The following HS3ST5 variants were observed in gnomAD, a reference collection of about 807,000 sequenced individuals.
The protein encoded by HS3ST5 is heparan sulfate-glucosamine 3-sulfotransferase 5.
HS3ST5 carries 10 observed loss-of-function variants against 25.4 expected under a neutral mutation model. The observed-to-expected ratio is 0.39, with a 90% CI of 0.24 to 0.67. HS3ST5 has a LOEUF of 0.67. Among genes scored for constraint, HS3ST5 ranks in the 30% least tolerant of loss-of-function variants. HS3ST5 has a pLI of 0.44. For missense variants in HS3ST5, 324 were observed against 420.7 expected (o/e 0.77, Z 2.01); for synonymous variants, 170 against 162.4 (o/e 1.05, Z -0.36).
intron 1 of HS3ST5, among the ~76,000 whole-genome samples, chr6:114,332,527 C>A (rs934547784): frequency 1.3e-5 from 2 of 152,110 alleles, no homozygotes; most frequent in African/African-American, 2.4e-5. Context: ...AAGTCAGACA[C>A]AGGGAGAGTT....
intron 3 of HS3ST5, among the ~76,000 whole-genome samples, chr6:114,081,672 C>T (rs1344183383): frequency 1.3e-5 from 2 of 152,144 alleles, no homozygotes; most frequent in Non-Finnish European, 2.9e-5. Flanking sequence ...ATTAGTACAC[C>T]AGTTCCAATA....
At chr6:114,283,485 A>G (rs1774210447) in intron 1 of HS3ST5, among the ~76,000 whole-genome samples, 2 of 152,014 alleles carry the variant, frequency 1.3e-5, no homozygotes, top group South Asian at 4.1e-4. Flanking sequence ...ATAAATTAAC[A>G]TATTTTTGCT....
chr6:114,226,417 T>C (rs1014082994), intron 2 of HS3ST5, among the ~76,000 whole-genome samples: 2 of 151,996 alleles, frequency 1.3e-5, no homozygotes, highest in Non-Finnish European at 2.9e-5. Flanking sequence ...ATGTTCATCT[T>C]GGAGGAAAAA....
chr6:114,195,476 AG>A (rs1780692334), intron 2 of HS3ST5, among the ~76,000 whole-genome samples: 1 of 151,986 alleles, frequency 6.6e-6, no homozygotes, highest in African/African-American at 2.4e-5. Context: ...TCCACAGTAA[AG>A]GAATGCAAAT....
chr6:114,244,459 G>A (rs1178886292), intron 1 of HS3ST5, among the ~76,000 whole-genome samples: 2 of 152,124 alleles, frequency 1.3e-5, no homozygotes, highest in African/African-American at 4.8e-5. Context: ...AGAAAATAAT[G>A]TATTTCATAG....
chr6:114,158,147 C>T (rs912998493), intron 3 of HS3ST5, among the ~76,000 whole-genome samples: 3 of 152,298 alleles, frequency 2.0e-5, no homozygotes, highest in East Asian at 1.9e-4. Context: ...TTGCAAGCCT[C>T]GACAGCTTTG....
intron 2 of HS3ST5, among the ~76,000 whole-genome samples, chr6:114,209,346 A>C (rs903387154): frequency 1.3e-5 from 2 of 151,982 alleles, no homozygotes; most frequent in Admixed American, 6.6e-5. Flanking sequence ...TGAAAAAAAA[A>C]CTTGTGTATT....
chr6:114,170,497 AGGGCTTTTCTTAGGT>A (rs1003685930), intron 2 of HS3ST5, among the ~76,000 whole-genome samples: 1 of 152,150 alleles, frequency 6.6e-6, no homozygotes, highest in African/African-American at 2.4e-5. Flanking sequence ...TTCAGTTACT[AGGGCTTTTCTTAGGT>A]GTCTGTAGAA....
intron 1 of HS3ST5, among the ~76,000 whole-genome samples, chr6:114,272,562 A>G (rs561647653): frequency 6.6e-6 from 1 of 152,138 alleles, no homozygotes; most frequent in Non-Finnish European, 1.5e-5. Flanking sequence ...TGGAACACCA[A>G]AGTCTTCCAG....
chr6:114,223,410 C>T (rs1394849856), intron 2 of HS3ST5, among the ~76,000 whole-genome samples: 1 of 151,722 alleles, frequency 6.6e-6, no homozygotes, highest in Admixed American at 6.6e-5. Context: ...AATGTGTTAC[C>T]TGGAACTGAA....
intron 3 of HS3ST5, among the ~76,000 whole-genome samples, chr6:114,146,722 T>C (rs1180357041): frequency 6.6e-6 from 1 of 152,164 alleles, no homozygotes; most frequent in Admixed American, 6.5e-5. Flanking sequence ...TGGTGCGTCT[T>C]TGCAATATTT....
intron 1 of HS3ST5, among the ~76,000 whole-genome samples, chr6:114,279,349 C>T (rs1453975773): frequency 6.6e-6 from 1 of 151,994 alleles, no homozygotes; most frequent in East Asian, 1.9e-4. Flanking sequence ...AAATAAGGAG[C>T]AGTAAATTGC....
At chr6:114,133,796 A>G (rs1777462687) in intron 3 of HS3ST5, among the ~76,000 whole-genome samples, 1 of 152,164 alleles carries the variant, frequency 6.6e-6, no homozygotes, top group African/African-American at 2.4e-5. Flanking sequence ...AGAGGAGAGG[A>G]TTCTGGTTGA....
At chr6:114,216,064 C>T (rs753250778) in intron 2 of HS3ST5, among the ~76,000 whole-genome samples, 20 of 152,178 alleles carry the variant, frequency 1.3e-4, no homozygotes, top group African/African-American at 2.4e-4. Flanking sequence ...GTTTTAACTG[C>T]GGCTCTGCTG....
chr6:114,223,119 A>C (rs951584383), intron 2 of HS3ST5, among the ~76,000 whole-genome samples: 2 of 151,708 alleles, frequency 1.3e-5, no homozygotes, highest in Non-Finnish European at 3.0e-5. Context: ...TATATAATAA[A>C]GGCCAAGTGT....
rs1382157246 is a variant in HS3ST5 at position 114,123,420 on chromosome 6, T to G, written c.-33+44931A>C. On this transcript the variant is annotated intron_variant, in intron 3 of 4. Transcript: ENST00000312719. ...TGAATGTCCAAAAGCAATTAAGAGATGTCTGACTAAAAACTGAACAAAGTA... is the reference window on the plus strand; with the variant it reads ...TGAATGTCCAAAAGCAATTAAGAGAGGTCTGACTAAAAACTGAACAAAGTA... Among the ~76,000 whole-genome samples, 3 of 152,208 alleles carry G rather than the reference T, an allele frequency of 2.0e-5. No homozygotes were observed. The East Asian group carries it at 5.8e-4, about 29-fold the overall frequency.
intron 1 of HS3ST5, among the ~76,000 whole-genome samples, chr6:114,252,639 GAA>G (rs542278254): frequency 7.0e-6 from 1 of 142,188 alleles, no homozygotes; most frequent in Admixed American, 7.0e-5. Flanking sequence ...GCCTTCTTTT[GAA>G]AAAAAAAAAA....
chr6:114,226,304 A>T (rs1405325683), intron 2 of HS3ST5, among the ~76,000 whole-genome samples: 1 of 151,982 alleles, frequency 6.6e-6, no homozygotes, highest in African/African-American at 2.4e-5. Context: ...TACCACTACA[A>T]TATTCCACAA....
chr6:114,061,858 G>A (rs2114704932), intron 4 of HS3ST5, among the ~76,000 whole-genome samples: 1 of 152,282 alleles, frequency 6.6e-6, no homozygotes, highest in Non-Finnish European at 1.5e-5. Context: ...TGAGGCAGGA[G>A]AATAGTTTGA....
Sources: allele counts gnomAD v4.1 joint callset (sites outside exome capture counted in the v4.1 genomes callset), GRCh38; gene constraint gnomAD v4.1.1; transcripts MANE v1.5; gene names NCBI Gene and HGNC (gene_info 2026-07-23, HGNC 2026-07-21).